MED1: variants seen among roughly 807,000 people sequenced by gnomAD.
MED1 encodes mediator of RNA polymerase II transcription subunit 1.
In MED1, 17 loss-of-function variants were observed where a neutral mutation model predicts 121.3. That is an observed-to-expected ratio of 0.14 (90% confidence interval 0.10 to 0.21). MED1 has a LOEUF of 0.21. Ranked by LOEUF, MED1 falls within the 10% of genes least tolerant of loss-of-function variation. The probability of loss-of-function intolerance (pLI) is 1.00; values close to 1 mark genes in which losing one functional copy is unlikely to be tolerated. For synonymous variants in MED1, 661 were observed against 694.4 expected, an observed-to-expected ratio of 0.95 and a Z score of 0.76; for missense variants, 1,558 against 1,919.4, an observed-to-expected ratio of 0.81 and a Z score of 3.52.
intron 6 of MED1, among the ~76,000 whole-genome samples, chr17:39,438,368 G>A (rs1419771217): frequency 7.3e-6 from 1 of 136,196 alleles, no homozygotes; most frequent in Non-Finnish European, 1.5e-5. Flanking sequence ...TTTTGAGACG[G>A]CGTCTTGCTC....
At chr17:39,438,962 A>C (rs1474285037) in intron 6 of MED1, among the ~76,000 whole-genome samples, 4 of 152,150 alleles carry the variant, frequency 2.6e-5, no homozygotes, top group Non-Finnish European at 5.9e-5. Context: ...ACAAAAACGA[A>C]AACAAAAAAA....
rs1477676100 is a variant in MED1 at position 39,407,097 on chromosome 17, T to C, written c.*378A>G. The C allele has an allele frequency of 2.0e-6, 2 of 998,568 alleles. No individual in the cohort carries two copies. Among genetic ancestry groups the C allele is most frequent in the Non-Finnish European group, 2.4e-6 (2 of 838,470 alleles). 61.9% of individuals were successfully genotyped at this position (998,568 alleles called of 1,614,324 possible). On this transcript the variant is annotated 3_prime_UTR_variant, in exon 17 of 17. Transcript: ENST00000300651. Reference sequence around the variant, plus strand: ...TGCCCAGCCCTTCATATACATGCACTAAAATGAGTTTAAAACATGGCCTAA... The same window carrying C: ...TGCCCAGCCCTTCATATACATGCACCAAAATGAGTTTAAAACATGGCCTAA...
chr17:39,413,571 G>C (rs1054805308), intron 16 of MED1, among the ~76,000 whole-genome samples: 1 of 151,922 alleles, frequency 6.6e-6, no homozygotes, highest in Non-Finnish European at 1.5e-5. Context: ...TAACATTTAA[G>C]TTGTGAAATC....
intron 7 of MED1, among the ~76,000 whole-genome samples, chr17:39,433,087 C>T (rs2048582882): frequency 6.6e-6 from 1 of 152,026 alleles, no homozygotes; most frequent in African/African-American, 2.4e-5. Context: ...CCTTTAATCC[C>T]AGCTACTCGG....
At position 39,409,404 on chromosome 17, in the gene MED1, T is replaced by G; in HGVS notation, c.2817A>C (p.Lys939Asn). ...VDFSIISVAGKALAPADLMEH... is the reference protein window; with the variant it reads ...VDFSIISVAGNALAPADLMEH... Reference sequence around the variant, plus strand: ...CCATAAGATCTGCAGGAGCTAAAGCTTTGCCGGCTACTGAAATAATACTGA... The same window carrying G: ...CCATAAGATCTGCAGGAGCTAAAGCGTTGCCGGCTACTGAAATAATACTGA... The change falls in exon 17 of 17, where the codon AAA becomes AAC. Residue 939 changes from lysine (K) to asparagine (N), a missense_variant. Lys to Asn is a moderately conservative substitution (Grantham distance 94). Around this residue, in one of 5 missense-constraint regions of MED1, gnomAD observed 793 missense variants for 898.2 expected, o/e 0.88. Transcript: ENST00000300651. 1 of 1,614,152 alleles carries G rather than the reference T, an allele frequency of 6.2e-7. No individual in the cohort carries two copies. The highest frequency in any genetic ancestry group is 8.5e-7 in the Non-Finnish European group (1 of 1,180,042).
In MED1 at chr17:39,419,940, C is replaced by T. The variant is rs374548087; in HGVS notation, c.1096-22G>A. 26 of 1,606,090 alleles carry T rather than the reference C, an allele frequency of 1.6e-5. No individual in the cohort carries two copies. In the East Asian group the frequency reaches 3.1e-4, roughly 19 times the overall value. On this transcript the variant is annotated intron_variant, in intron 13 of 16. Coordinates refer to ENST00000300651, the MANE Select transcript of MED1 (RefSeq NM_004774.4). ...GAGCCTGGGCAAAAAGAACAGTTAA[C>T]GAGTGCTATTTAGTTACCTATTGTA...
rs376221449 is a variant in MED1 at position 39,423,841 on chromosome 17, G to C, written c.852-20C>G. On this transcript the variant is annotated intron_variant, in intron 11 of 16. Transcript: ENST00000300651. Reference sequence around the variant, plus strand: ...GGGGTCCTTCAAAAAAAAGAGGGTGGAAGGGTTGGATTCTGACTTGATATA... The same window carrying C: ...GGGGTCCTTCAAAAAAAAGAGGGTGCAAGGGTTGGATTCTGACTTGATATA... 4.4e-6 allele frequency: 7 copies of C among 1,591,026 alleles called. No homozygotes were observed. The Admixed American group carries it at 1.1e-4, about 26-fold the overall frequency.
rs1437661356 is a variant in MED1 at position 39,409,805 on chromosome 17, G to A, written c.2416C>T (p.Pro806Ser). The change falls in exon 17 of 17, where the codon CCT (proline) becomes TCT (serine). Residue 806 changes from proline (P) to serine (S), a missense_variant. Around this residue, in one of 5 missense-constraint regions of MED1, gnomAD observed 793 missense variants for 898.2 expected, o/e 0.88. Coordinates refer to ENST00000300651, the MANE Select transcript of MED1 (RefSeq NM_004774.4). ...CCAGAGCTTGAAGAATCTCGAAGAGGGGTGCCAATGGCTGGGCAATCATCA... is the reference window on the plus strand; with the variant it reads ...CCAGAGCTTGAAGAATCTCGAAGAGAGGTGCCAATGGCTGGGCAATCATCA... ...TSDDCPAIGT[P>S]LRDSSSSGHS... 2.5e-6 allele frequency: 4 copies of A among 1,614,058 alleles called. No homozygotes were observed. In the African/African-American group the frequency reaches 4.0e-5, roughly 16 times the overall value.
Position 39,419,939 on chromosome 17 carries a change from A to G in MED1, c.1096-21T>C, listed in dbSNP as rs754258106. On this transcript the variant is annotated intron_variant, in intron 13 of 16. Coordinates refer to ENST00000300651, the MANE Select transcript of MED1 (RefSeq NM_004774.4). Reference sequence around the variant, plus strand: ...AGAGCCTGGGCAAAAAGAACAGTTAACGAGTGCTATTTAGTTACCTATTGT... The same window carrying G: ...AGAGCCTGGGCAAAAAGAACAGTTAGCGAGTGCTATTTAGTTACCTATTGT... 3 of 1,607,222 alleles carry G rather than the reference A, an allele frequency of 1.9e-6. No individual in the cohort carries two copies. The East Asian group carries it at 6.7e-5, about 36-fold the overall frequency.
chr17:39,434,980 A>G (rs2048604584), intron 6 of MED1, among the ~76,000 whole-genome samples: 2 of 152,138 alleles, frequency 1.3e-5, no homozygotes, highest in Non-Finnish European at 1.5e-5. Flanking sequence ...CCTGGCTAGC[A>G]TGGTGAAACC....
At chr17:39,448,263 G>C (rs1320875706) in intron 1 of MED1, among the ~76,000 whole-genome samples, 1 of 151,360 alleles carries the variant, frequency 6.6e-6, no homozygotes, top group Non-Finnish European at 1.5e-5. Context: ...CCAGCTACTT[G>C]GGAGGCTAAG....
chr17:39,414,306 T>C (rs1297366231), intron 16 of MED1, among the ~76,000 whole-genome samples: 1 of 151,928 alleles, frequency 6.6e-6, no homozygotes, highest in Non-Finnish European at 1.5e-5. Context: ...ATTGCTCCTT[T>C]ATTTGAAATT....
At chr17:39,437,550 T>G (rs1189678634) in intron 6 of MED1, among the ~76,000 whole-genome samples, 1 of 152,038 alleles carries the variant, frequency 6.6e-6, no homozygotes, top group Non-Finnish European at 1.5e-5. Context: ...AATTTTCCAA[T>G]CCAAATTGTC....
chr17:39,408,532 C>T lies in MED1; in HGVS notation c.3689G>A (p.Gly1230Asp). ...KAKSPISSGS[G>D]GSHMSGTSSS... ...ACTAGTTCCAGACATATGAGAACCA[C>T]CAGAACCTGAACTGATAGGGGACTT... The change falls in exon 17 of 17, where the codon GGT becomes GAT. Residue 1230 changes from glycine (G) to aspartate (D), a missense_variant. Gly to Asp is a moderately conservative substitution (Grantham distance 94). This residue lies in a region of MED1 where 793 missense variants were observed against 898.2 expected (regional missense o/e 0.88). Transcript: ENST00000300651. The surrounding 1 kb of genome is among the most constrained non-coding windows in gnomAD (Gnocchi z 4.7). 6.2e-7 allele frequency: 1 copy of T among 1,614,180 alleles called. No homozygotes were observed. Among genetic ancestry groups the T allele is most frequent in the Admixed American group, 1.7e-5 (1 of 60,024 alleles).
rs560491267 is a variant in MED1 at position 39,418,569 on chromosome 17, G to C, written c.1297+1148C>G. Among the ~76,000 whole-genome samples the C allele has an allele frequency of 4.0e-5, 6 of 151,394 alleles. No individual in the cohort carries two copies. The South Asian group carries it at 1.3e-3, about 32-fold the overall frequency. On this transcript the variant is annotated intron_variant, in intron 14 of 16. Coordinates refer to ENST00000300651, the MANE Select transcript of MED1 (RefSeq NM_004774.4). ...AGCCTCTCTCACTACAGCATTCCAA[G>C]TTCTACCTTATGTATATCTGCTACA...
At position 39,405,454 on chromosome 17, in the gene MED1, CAT is replaced by C. The variant is rs925879783; in HGVS notation, c.*2019_*2020del. ...CACTCAGAACAAATTTTAAAAACCA[CAT>C]AAATTTTTTTTTTTTTCCTGCAGAA... On this transcript the variant is annotated 3_prime_UTR_variant, in exon 17 of 17. Coordinates refer to ENST00000300651, the MANE Select transcript of MED1 (RefSeq NM_004774.4). 48 of 1,387,296 alleles carry C rather than the reference CAT, an allele frequency of 3.5e-5. No homozygotes were observed. Among genetic ancestry groups the C allele is most frequent in the Non-Finnish European group, 4.2e-5 (45 of 1,066,314 alleles). The allele number at this position is 1,387,296 out of a possible 1,614,324, so 85.9% of individuals were successfully genotyped here. A position where few individuals can be genotyped will look rare whatever the true frequency, so the allele number is the denominator to read the frequency against.
At position 39,410,473 on chromosome 17, in the gene MED1, T is replaced by G. The variant is rs774924134; in HGVS notation, c.1748A>C (p.Lys583Thr). 1 of 1,614,016 alleles carries G rather than the reference T, an allele frequency of 6.2e-7. No individual in the cohort carries two copies. Among genetic ancestry groups the G allele is most frequent in the Non-Finnish European group, 8.5e-7 (1 of 1,180,050 alleles). ...ATGGCCCACCGACTCATGCCGATCT[T>G]TGATGCTCATGCTCATATTAAACAA... ...TTLFNMSMSI[K>T]DRHESVGHGE... The change falls in exon 17 of 17, where the codon AAA becomes ACA. Residue 583 changes from lysine (K) to threonine (T), a missense_variant. Lys to Thr is a moderately conservative substitution (Grantham distance 78). Around this residue, in one of 5 missense-constraint regions of MED1, gnomAD observed 793 missense variants for 898.2 expected, o/e 0.88. Coordinates refer to ENST00000300651, the MANE Select transcript of MED1 (RefSeq NM_004774.4).
Position 39,406,817 on chromosome 17 carries a change from A to G in MED1, c.*658T>C. The G allele has an allele frequency of 1.0e-6, 1 of 985,492 alleles. No individual in the cohort carries two copies. Among genetic ancestry groups the G allele is most frequent in the South Asian group, 4.7e-5 (1 of 21,284 alleles). 61.0% of individuals were successfully genotyped at this position (985,492 alleles called of 1,614,324 possible). On this transcript the variant is annotated 3_prime_UTR_variant, in exon 17 of 17. Coordinates refer to ENST00000300651, the MANE Select transcript of MED1 (RefSeq NM_004774.4). The stretch of plus-strand genomic sequence containing the variant: ...GCTCTTCGGCCTTCCATCATTTTGA[A>G]CCCTAAACCTCATAGATTTAGAACG...
rs1177989653 is a variant in MED1 at position 39,410,293 on chromosome 17, G to A, written c.1928C>T (p.Pro643Leu). The change falls in exon 17 of 17, where the codon CCG (proline) becomes CTG (leucine). Residue 643 changes from proline to leucine, a missense_variant. By Grantham distance (98) the Pro-to-Leu change is moderately conservative. This residue lies in a region of MED1 where 793 missense variants were observed against 898.2 expected (regional missense o/e 0.88). Coordinates refer to ENST00000300651, the MANE Select transcript of MED1 (RefSeq NM_004774.4). Reference sequence around the variant, plus strand: ...ATCTTTAAGAAGGTTCATGAGCATCGGGTGGTTCTTGGTGTTGCCGGCCAT... The same window carrying A: ...ATCTTTAAGAAGGTTCATGAGCATCAGGTGGTTCTTGGTGTTGCCGGCCAT... The part of the protein sequence containing the change: ...SSMAGNTKNH[P>L]MLMNLLKDNP... 3 of 1,613,926 alleles carry A rather than the reference G, an allele frequency of 1.9e-6. No individual in the cohort carries two copies. Among genetic ancestry groups the A allele is most frequent in the South Asian group, 1.1e-5 (1 of 91,042 alleles).
Sources: allele counts gnomAD v4.1 joint callset (sites outside exome capture counted in the v4.1 genomes callset), GRCh38; gene constraint gnomAD v4.1.1; regional missense constraint gnomAD v4.1.1; non-coding constraint Gnocchi (gnomAD v3.1); transcripts MANE v1.5; gene names NCBI Gene and HGNC (gene_info 2026-07-23, HGNC 2026-07-21).